Variants in TGIF1 observed in about 807,000 individuals in gnomAD.
TGIF1 encodes homeobox protein TGIF1.
TGIF1 carries 4 observed loss-of-function variants against 19.3 expected under a neutral mutation model. That is an observed-to-expected ratio of 0.21 (90% CI 0.10 to 0.47). TGIF1 has a LOEUF of 0.47. Ranked by LOEUF, TGIF1 falls within the 20% of genes least tolerant of loss-of-function variation. TGIF1 has a pLI of 0.98. For synonymous variants in TGIF1, 122 were observed against 129.3 expected, an observed-to-expected ratio of 0.94 and a Z score of 0.38; for missense variants, 275 against 341.4, an observed-to-expected ratio of 0.81 and a Z score of 1.53.
Position 3,457,283 on chromosome 18 carries a change from A to AT in TGIF1, c.244-80dup. ...TTCTTTAATTCAGAGAGCAAGATCA[A>AT]TTAGGTACCCCATAGAACATTCTCA... On this transcript the variant is annotated intron_variant, in intron 2 of 2. Transcript: ENST00000343820. The surrounding 1 kb of genome is among the most constrained non-coding windows in gnomAD (Gnocchi z 4.9). The AT allele has an allele frequency of 7.2e-7, 1 of 1,384,598 alleles. No homozygotes were observed. The highest frequency in any genetic ancestry group is 2.3e-5 in the East Asian group (1 of 42,598). The allele number at this position is 1,384,598 out of a possible 1,614,324, so 85.8% of individuals were successfully genotyped here.
chr18:3,427,967 G>A (rs984947566), intron 2 of TGIF1, among the ~76,000 whole-genome samples: 10 of 152,240 alleles, frequency 6.6e-5, no homozygotes, highest in African/African-American at 1.9e-4. Flanking sequence ...TTCTCAAAAC[G>A]TGGTGGCCAC....
At chr18:3,423,538 G>A (rs965288137) in intron 2 of TGIF1, among the ~76,000 whole-genome samples, 5 of 151,946 alleles carry the variant, frequency 3.3e-5, no homozygotes, top group African/African-American at 1.2e-4. Context: ...AAAATTAGCC[G>A]GGCTTGGTGT....
chr18:3,421,544 C>T (rs2082397535), intron 2 of TGIF1, among the ~76,000 whole-genome samples: 1 of 151,538 alleles, frequency 6.6e-6, no homozygotes, highest in African/African-American at 2.4e-5. Flanking sequence ...TCCTGAGTAG[C>T]TGGGATTACA....
At chr18:3,414,523 G>A (rs562185214) in intron 1 of TGIF1, among the ~76,000 whole-genome samples, 12 of 152,228 alleles carry the variant, frequency 7.9e-5, no homozygotes, top group African/African-American at 1.9e-4. Flanking sequence ...CCTGTTTACC[G>A]TGAATCTAAT....
chr18:3,413,965 TA>T (rs1195778250), intron 1 of TGIF1, among the ~76,000 whole-genome samples: 1 of 152,212 alleles, frequency 6.6e-6, no homozygotes, highest in Non-Finnish European at 1.5e-5. Flanking sequence ...AATAATCCTA[TA>T]AATTAATTAT....
intron 2 of TGIF1, among the ~76,000 whole-genome samples, chr18:3,430,786 A>G (rs1390770101): frequency 1.3e-5 from 2 of 151,174 alleles, no homozygotes; most frequent in Admixed American, 6.6e-5. Context: ...TGCTGGGATT[A>G]TAGGCACAAG....
At chr18:3,450,565 G>C (rs1197514225) in intron 1 of TGIF1, 60 bp downstream of exon 1, 3 of 1,549,862 alleles carry the variant, frequency 1.9e-6, no homozygotes, top group African/African-American at 2.7e-5. Flanking sequence ...CGTGCTGGCC[G>C]GGCCGCGCCG....
At chr18:3,417,162 G>A (rs995413858) in intron 1 of TGIF1, among the ~76,000 whole-genome samples, 5 of 151,934 alleles carry the variant, frequency 3.3e-5, no homozygotes, top group South Asian at 2.1e-4. Context: ...GTTGTTGTTC[G>A]TTGTTTGTTT....
chr18:3,456,730 T>C lies in TGIF1; in HGVS notation c.243+150T>C. ...TAAACTTGATAGTGTTAAAAGCTAA[T>C]AACTAGCTATTTAGAGAACACAGAA... On this transcript the variant is annotated intron_variant, in intron 2 of 2. Transcript: ENST00000343820. The surrounding 1 kb of genome is among the most constrained non-coding windows in gnomAD (Gnocchi z 4.2). 1.3e-6 allele frequency: 1 copy of C among 760,646 alleles called. No individual in the cohort carries two copies. Among genetic ancestry groups the C allele is most frequent in the Non-Finnish European group, 2.3e-6 (1 of 437,392 alleles). 47.1% of individuals were successfully genotyped at this position (760,646 alleles called of 1,614,324 possible).
At chr18:3,452,102 CT>C (rs2082967592) in intron 1 of TGIF1, 1 of 1,614,046 alleles carries the variant, frequency 6.2e-7, no homozygotes, top group Non-Finnish European at 8.5e-7. Flanking sequence ...CCCAGTGCTC[CT>C]TTTCCACGGC....
In TGIF1 at chr18:3,451,947, C is replaced by T. The variant is rs1474324633; in HGVS notation, c.16+1442C>T. 1.9e-6 allele frequency: 3 copies of T among 1,550,268 alleles called. No homozygotes were observed. Among genetic ancestry groups the T allele is most frequent in the Non-Finnish European group, 2.6e-6 (3 of 1,146,262 alleles). ...CGCGCTGTCTGTTGTGGTGGGCCTC[C>T]CGGGAATAAGTGAGGGGCTCTGTGT... On this transcript the variant is annotated intron_variant, in intron 1 of 2. Coordinates refer to ENST00000343820, the MANE Select transcript of TGIF1 (RefSeq NM_003244.4). The surrounding 1 kb of genome is among the most constrained non-coding windows in gnomAD (Gnocchi z 5.4).
chr18:3,437,903 G>A (rs1466390672), intron 2 of TGIF1, among the ~76,000 whole-genome samples: 1 of 152,182 alleles, frequency 6.6e-6, no homozygotes, highest in Non-Finnish European at 1.5e-5. Context: ...GGCCAACATG[G>A]TGAAACCCCA....
intron 2 of TGIF1, among the ~76,000 whole-genome samples, chr18:3,422,823 T>C (rs1165421148): frequency 6.6e-6 from 1 of 151,320 alleles, no homozygotes; most frequent in Non-Finnish European, 1.5e-5. Flanking sequence ...CCTGAGTAGC[T>C]GGGACTACAG....
At chr18:3,440,352 C>CA (rs141541364) in intron 2 of TGIF1, among the ~76,000 whole-genome samples, 1,499 of 120,774 alleles carry the variant, frequency 0.012, 14 homozygotes, top group African/African-American at 0.032. Flanking sequence ...ACTCTTTCTC[C>CA]AAAAAAAAAA....
chr18:3,441,131 TA>T (rs758624799), intron 2 of TGIF1, among the ~76,000 whole-genome samples: 67 of 152,348 alleles, frequency 4.4e-4, no homozygotes, highest in Middle Eastern at 3.4e-3. Context: ...TCCAACTTTT[TA>T]AACACAGAGT....
chr18:3,436,824 G>T (rs920680565), intron 2 of TGIF1, among the ~76,000 whole-genome samples: 11 of 151,018 alleles, frequency 7.3e-5, no homozygotes, highest in Non-Finnish European at 1.5e-4. Context: ...AAAAAAGAGG[G>T]CTGGGTTTGG....
chr18:3,414,599 G>A (rs1300230495), intron 1 of TGIF1, among the ~76,000 whole-genome samples: 1 of 152,148 alleles, frequency 6.6e-6, no homozygotes, highest in African/African-American at 2.4e-5. Context: ...ACTTAAAGAG[G>A]TGACCCATCT....
intron 2 of TGIF1, among the ~76,000 whole-genome samples, chr18:3,437,264 C>T (rs971796408): frequency 6.6e-6 from 1 of 152,098 alleles, no homozygotes. Context: ...GGTGTGCGAG[C>T]ATGGGGGATC....
Position 3,457,018 on chromosome 18 carries a change from G to A in TGIF1, c.244-347G>A. 1.3e-5 allele frequency: 7 copies of A among 553,658 alleles called. No individual in the cohort carries two copies. Among genetic ancestry groups the A allele is most frequent in the Non-Finnish European group, 2.2e-5 (7 of 314,012 alleles). The allele number at this position is 553,658 out of a possible 1,614,324, so 34.3% of individuals were successfully genotyped here. A position where few individuals can be genotyped will look rare whatever the true frequency, so the allele number is the denominator to read the frequency against. On this transcript the variant is annotated intron_variant, in intron 2 of 2. Coordinates refer to ENST00000343820, the MANE Select transcript of TGIF1 (RefSeq NM_003244.4). This position sits in a 1 kb window ranked among gnomAD's most constrained non-coding sequence, Gnocchi z 4.9. ...TGTAGTTGATTAACTTAAATGTTGG[G>A]GCAGTAGGTGATAGGTTAAAATGGG...
Sources: allele counts gnomAD v4.1 joint callset (sites outside exome capture counted in the v4.1 genomes callset), GRCh38; gene constraint gnomAD v4.1.1; non-coding constraint Gnocchi (gnomAD v3.1); transcripts MANE v1.5; gene names NCBI Gene and HGNC (gene_info 2026-07-23, HGNC 2026-07-21).